The following THSD7A variants were observed in gnomAD, a reference collection of about 807,000 sequenced individuals.
THSD7A encodes the protein thrombospondin type 1 domain containing 7A.
Under a neutral mutation model 231.3 loss-of-function variants are expected in THSD7A, and 96 were observed. That is an observed-to-expected ratio of 0.41 (90% CI 0.35 to 0.49). The LOEUF is 0.49. THSD7A is among the 20% of genes least tolerant of loss of function. The pLI, the probability that THSD7A is intolerant of heterozygous loss-of-function variation, is 0.05. For synonymous variants in THSD7A, 940 were observed against 743.3 expected, an observed-to-expected ratio of 1.26 and a Z score of -4.30; for missense variants, 2,290 against 2,070.2, an observed-to-expected ratio of 1.11 and a Z score of -2.06.
At chr7:11,724,511 G>A (rs1009174664) in intron 1 of THSD7A, among the ~76,000 whole-genome samples, 4 of 151,656 alleles carry the variant, frequency 2.6e-5, no homozygotes, top group African/African-American at 9.7e-5. Context: ...AAAATTTAAT[G>A]AAAAGAAAAT....
At chr7:11,452,221 G>A (rs1413760817) in intron 11 of THSD7A, among the ~76,000 whole-genome samples, 1 of 152,000 alleles carries the variant, frequency 6.6e-6, no homozygotes, top group Non-Finnish European at 1.5e-5. Flanking sequence ...GCAATAGCGA[G>A]AATGAATCAT....
At chr7:11,813,714 AAATAAT>A (rs61350544) in intron 1 of THSD7A, among the ~76,000 whole-genome samples, 6,141 of 145,034 alleles carry the variant, frequency 0.042, 169 homozygotes, top group Admixed American at 0.1. Flanking sequence ...CTCCATCTCA[AAATAAT>A]AATAATAATA....
intron 2 of THSD7A, among the ~76,000 whole-genome samples, chr7:11,610,512 A>G (rs113856904): frequency 5.3e-5 from 8 of 152,248 alleles, no homozygotes; most frequent in African/African-American, 1.9e-4. Context: ...CTAGTATTTT[A>G]AAAGATCCTA....
In THSD7A at chr7:11,446,045, A is replaced by G. The variant is rs1784958645; in HGVS notation, c.3064+16T>C. 1.2e-6 allele frequency: 2 copies of G among 1,612,828 alleles called. No homozygotes were observed. Among genetic ancestry groups the G allele is most frequent in the Non-Finnish European group, 1.7e-6 (2 of 1,179,138 alleles). ...TCCCGAAGATAGCAAATATGTAACA[A>G]TGAAGATTGAATTACCATGGCTGTT... On this transcript the variant is annotated intron_variant, in intron 13 of 27. Coordinates refer to ENST00000423059, the MANE Select transcript of THSD7A (RefSeq NM_015204.3). This position sits in a 1 kb window ranked among gnomAD's most constrained non-coding sequence, Gnocchi z 4.0.
chr7:11,548,509 T>C (rs1007683467), intron 4 of THSD7A, among the ~76,000 whole-genome samples: 7 of 152,088 alleles, frequency 4.6e-5, no homozygotes, highest in Non-Finnish European at 8.8e-5. Flanking sequence ...ACTCATTCTA[T>C]GAGGCTAGCA....
intron 1 of THSD7A, among the ~76,000 whole-genome samples, chr7:11,722,828 C>T (rs191333443): frequency 0.015 from 2,253 of 152,024 alleles, 57 homozygotes; most frequent in African/African-American, 0.052. Flanking sequence ...CAGGAAACAA[C>T]ACGTGCTGGA....
intron 1 of THSD7A, among the ~76,000 whole-genome samples, chr7:11,723,035 T>A (rs1377878105): frequency 6.6e-6 from 1 of 151,984 alleles, no homozygotes; most frequent in Non-Finnish European, 1.5e-5. Flanking sequence ...CACGTATGTT[T>A]ATTGCGGCAC....
intron 5 of THSD7A, 66 bp downstream of exon 5, chr7:11,542,896 T>G: frequency 1.3e-6 from 2 of 1,515,202 alleles, no homozygotes; most frequent in Non-Finnish European, 1.8e-6. Flanking sequence ...AAGAGCATTT[T>G]AAAAATAATT....
rs574578686 is a variant in THSD7A at position 11,589,955 on chromosome 7, T to G, written c.1453+505A>C. ...CAACTGAAGAGTTTTAAAAAATGCC[T>G]TTGGGTTAAAGTTTTCTTTTACTGT... On this transcript the variant is annotated intron_variant, in intron 4 of 27. Coordinates refer to ENST00000423059, the MANE Select transcript of THSD7A (RefSeq NM_015204.3). Among the ~76,000 whole-genome samples, 13 of 152,334 alleles carry G rather than the reference T, an allele frequency of 8.5e-5. 1 individual carries two copies. The Middle Eastern group carries it at 0.027, about 319-fold the overall frequency.
intron 23 of THSD7A, chr7:11,385,343 G>C (rs1782688864): frequency 6.6e-6 from 1 of 151,990 alleles, no homozygotes; most frequent in African/African-American, 2.4e-5. Context: ...GGCAACAGTG[G>C]TATCCTTGTT....
intron 1 of THSD7A, among the ~76,000 whole-genome samples, chr7:11,659,765 G>A (rs958520825): frequency 1.3e-5 from 2 of 151,470 alleles, no homozygotes; most frequent in African/African-American, 4.8e-5. Context: ...TTAGAAAAAT[G>A]TGTCACTGTT....
chr7:11,768,491 G>A (rs1783099722), intron 1 of THSD7A, among the ~76,000 whole-genome samples: 1 of 152,152 alleles, frequency 6.6e-6, no homozygotes, highest in Non-Finnish European at 1.5e-5. Context: ...TCATGAGACT[G>A]AAAGCCTCTT....
At chr7:11,464,889 G>A (rs1785638845) in intron 9 of THSD7A, among the ~76,000 whole-genome samples, 1 of 152,140 alleles carries the variant, frequency 6.6e-6, no homozygotes. Context: ...TGTACTCAAA[G>A]TTACAGCGCT....
chr7:11,390,565 G>C (rs1782939849), intron 23 of THSD7A, among the ~76,000 whole-genome samples: 1 of 152,148 alleles, frequency 6.6e-6, no homozygotes, highest in Admixed American at 6.5e-5. Context: ...TTTTAGCTCA[G>C]AGGAGTTCGT....
rs1200527145 is a variant in THSD7A at position 11,382,584 on chromosome 7, T to C, written c.4444A>G (p.Ser1482Gly). 1 of 1,612,790 alleles carries C rather than the reference T, an allele frequency of 6.2e-7. No individual in the cohort carries two copies. The highest frequency in any genetic ancestry group is 8.5e-7 in the Non-Finnish European group (1 of 1,179,226). ...GTTCGGGAAGAGCCCTTCCAAGCACTGGCCATCCATTTATATTCATAGCAC... is the reference window on the plus strand; with the variant it reads ...GTTCGGGAAGAGCCCTTCCAAGCACCGGCCATCCATTTATATTCATAGCAC... ...GQCYEYKWMA[S>G]AWKGSSRTVW... Residue 1482 changes from serine to glycine, a missense_variant, in exon 24 of 28, where the codon AGT becomes GGT. Ser to Gly is a moderately conservative substitution (Grantham distance 56). Coordinates refer to ENST00000423059, the MANE Select transcript of THSD7A (RefSeq NM_015204.3).
At chr7:11,754,065 T>C (rs527278870) in intron 1 of THSD7A, among the ~76,000 whole-genome samples, 18 of 152,082 alleles carry the variant, frequency 1.2e-4, no homozygotes, top group Non-Finnish European at 1.8e-4. Context: ...ACTAGAAAGT[T>C]TGGCCTTAAT....
intron 14 of THSD7A, among the ~76,000 whole-genome samples, chr7:11,426,985 T>C (rs911931855): frequency 2.6e-5 from 4 of 152,176 alleles, no homozygotes; most frequent in Non-Finnish European, 5.9e-5. Flanking sequence ...GGGAAATTGA[T>C]ATATGATGCA....
In THSD7A at chr7:11,469,978, G is replaced by T; in HGVS notation, c.2269C>A (p.Arg757=). Residue 757 remains arginine (R), a synonymous_variant, in exon 9 of 28, where the codon CGA becomes AGA. Transcript: ENST00000423059. ...AGACAAGGCCTTACAGTTTCAGGTC[G>T]AAGGCTTTCAGGACATCTAGAAAGG... ...VGPKKCPESL[R]PETVRPCLLP... is the part of the protein sequence containing the mutation. 1 of 1,590,188 alleles carries T rather than the reference G, an allele frequency of 6.3e-7. No homozygotes were observed. The highest frequency in any genetic ancestry group is 8.6e-7 in the Non-Finnish European group (1 of 1,166,530).
intron 2 of THSD7A, among the ~76,000 whole-genome samples, chr7:11,616,667 C>G (rs1781113320): frequency 6.6e-6 from 1 of 152,164 alleles, no homozygotes; most frequent in Admixed American, 6.5e-5. Context: ...CTCCTGTTCT[C>G]ACGTTGCCCA....
Sources: gnomAD v4.1 joint callset for allele counts (sites outside exome capture counted in the v4.1 genomes callset) on GRCh38, gnomAD v4.1.1 for gene constraint, Gnocchi (gnomAD v3.1) non-coding constraint, MANE v1.5 for transcripts, NCBI Gene and HGNC (gene_info 2026-07-23, HGNC 2026-07-21) for gene names.